LRRC7: variants seen among roughly 807,000 people sequenced by gnomAD.
The protein encoded by LRRC7 is leucine-rich repeat-containing protein 7.
Under a neutral mutation model 175.7 loss-of-function variants are expected in LRRC7, and 23 were observed. The ratio of observed to expected loss-of-function variants is 0.13; its 90% CI spans 0.09 to 0.19. The LOEUF is 0.19. LRRC7 is among the 10% of genes least tolerant of loss of function. The pLI, the probability that LRRC7 is intolerant of heterozygous loss-of-function variation, is 1.00. For missense variants in LRRC7, 1,354 were observed against 1,904.7 expected (o/e 0.71, Z 5.38); for synonymous variants, 685 against 680.9 (o/e 1.01, Z -0.09).
rs1645697412 is a variant in LRRC7 at position 69,887,928 on chromosome 1, T to C, written c.648-43579T>C. Among the ~76,000 whole-genome samples, 6 of 146,354 alleles carry C rather than the reference T, an allele frequency of 4.1e-5. No homozygotes were observed. The South Asian group carries it at 1.3e-3, about 32-fold the overall frequency. On this transcript the variant is annotated intron_variant, in intron 7 of 26. Transcript: ENST00000651989. ...GGGGGGTGCCTCTCAGTTAGGCTGC[T>C]CAGGGGTCAGGGGTCAGGGACCCAC...
At chr1:69,821,594 T>G in intron 4 of LRRC7, among the ~76,000 whole-genome samples, 1 of 152,134 alleles carries the variant, frequency 6.6e-6, no homozygotes, top group East Asian at 1.9e-4. Flanking sequence ...TTTCTTTCAG[T>G]TTGGTTACTA....
chr1:69,916,851 T>C (rs1299668452), intron 7 of LRRC7, among the ~76,000 whole-genome samples: 1 of 151,988 alleles, frequency 6.6e-6, no homozygotes, highest in African/African-American at 2.4e-5. Flanking sequence ...ACTAAGATAT[T>C]TTCAGTGGTG....
At chr1:70,060,110 G>T (rs1661462078) in intron 23 of LRRC7, among the ~76,000 whole-genome samples, 1 of 152,092 alleles carries the variant, frequency 6.6e-6, no homozygotes, top group Non-Finnish European at 1.5e-5. Context: ...TTGAGGCCAG[G>T]AGTTTGAGAC....
intron 7 of LRRC7, among the ~76,000 whole-genome samples, chr1:69,856,793 T>G (rs1051342600): frequency 3.0e-4 from 46 of 152,202 alleles, no homozygotes; most frequent in African/African-American, 1.1e-3. Flanking sequence ...TACCAAAGCC[T>G]GGCAGAGACA....
Position 69,582,510 on chromosome 1 carries a change from A to G in LRRC7, c.2+13869A>G, listed in dbSNP as rs150197642. Reference sequence around the variant, plus strand: ...GTTCAATGAAAGCTTCTGCTCACACATAGCATATTTTAGGTCCATTTGCAG... The same window carrying G: ...GTTCAATGAAAGCTTCTGCTCACACGTAGCATATTTTAGGTCCATTTGCAG... On this transcript the variant is annotated intron_variant, in intron 1 of 26. Transcript: ENST00000651989. Among the ~76,000 whole-genome samples the G allele has an allele frequency of 2.6e-5, 4 of 152,312 alleles. No homozygotes were observed. In the East Asian group the frequency reaches 7.7e-4, roughly 29 times the overall value.
Position 70,130,172 on chromosome 1 carries a change from T to G in LRRC7, c.*8285T>G, listed in dbSNP as rs148064500. The stretch of plus-strand genomic sequence containing the variant: ...GAGATCATAGCTATTTGGTGTTTGT[T>G]TTTCCTATGAACTTTAAGCTTTTTG... On this transcript the variant is annotated 3_prime_UTR_variant, in exon 27 of 27. Coordinates refer to ENST00000651989, the MANE Select transcript of LRRC7 (RefSeq NM_001370785.2). 1.3e-5 allele frequency: 2 copies of G among 152,316 alleles called. No individual in the cohort carries two copies. Among genetic ancestry groups the G allele is most frequent in the East Asian group, 3.9e-4 (2 of 5,192 alleles). The allele number at this position is 152,316 out of a possible 1,614,324, so 9.4% of individuals were successfully genotyped here. A position where few individuals can be genotyped will look rare whatever the true frequency, so the allele number is the denominator to read the frequency against.
intron 26 of LRRC7, among the ~76,000 whole-genome samples, chr1:70,120,911 G>A (rs1293221799): frequency 6.6e-6 from 1 of 152,034 alleles, no homozygotes; most frequent in Non-Finnish European, 1.5e-5. Context: ...AGGCTTATGG[G>A]ATACACTTCT....
intron 7 of LRRC7, among the ~76,000 whole-genome samples, chr1:69,911,863 A>G (rs1557879839): frequency 6.6e-6 from 1 of 152,174 alleles, no homozygotes; most frequent in African/African-American, 2.4e-5. Flanking sequence ...GGTATCAACA[A>G]TCTAAGGCCA....
chr1:69,916,208 A>AT (rs1646706828), intron 7 of LRRC7, among the ~76,000 whole-genome samples: 1 of 6,156 alleles, frequency 1.6e-4, no homozygotes, highest in Non-Finnish European at 4.6e-4. Flanking sequence ...ATATAAAAAT[A>AT]AAATTTTATT....
At chr1:69,702,374 C>T (rs1663468338) in intron 2 of LRRC7, among the ~76,000 whole-genome samples, 1 of 152,172 alleles carries the variant, frequency 6.6e-6, no homozygotes, top group African/African-American at 2.4e-5. Context: ...CTTTTGTGAT[C>T]AGCAACATTT....
chr1:69,787,776 C>A (rs917627299), intron 3 of LRRC7, among the ~76,000 whole-genome samples: 1 of 152,162 alleles, frequency 6.6e-6, no homozygotes, highest in Non-Finnish European at 1.5e-5. Flanking sequence ...ATGCAAATTT[C>A]TGCAGCCAAC....
At chr1:69,959,757 C>G (rs1043241737) in intron 8 of LRRC7, among the ~76,000 whole-genome samples, 3 of 151,962 alleles carry the variant, frequency 2.0e-5, no homozygotes, top group Non-Finnish European at 4.4e-5. Flanking sequence ...GGATACCTAA[C>G]CCAATCAGGG....
chr1:69,945,409 T>C (rs1202410656), intron 8 of LRRC7, among the ~76,000 whole-genome samples: 1 of 152,120 alleles, frequency 6.6e-6, no homozygotes, highest in Admixed American at 6.6e-5. Context: ...ACCATAACTT[T>C]TTAGTAGATT....
chr1:69,698,408 T>C (rs907190514), intron 2 of LRRC7, among the ~76,000 whole-genome samples: 1 of 152,234 alleles, frequency 6.6e-6, no homozygotes, highest in Non-Finnish European at 1.5e-5. Flanking sequence ...TGCCAAAACA[T>C]GTAATCCAGA....
chr1:69,780,521 G>A (rs1673363913), intron 3 of LRRC7, among the ~76,000 whole-genome samples: 1 of 152,114 alleles, frequency 6.6e-6, no homozygotes, highest in Non-Finnish European at 1.5e-5. Context: ...GAGATAAAGG[G>A]AGGGAGAAAA....
At chr1:69,611,845 A>T (rs1426936210) in intron 1 of LRRC7, among the ~76,000 whole-genome samples, 3 of 152,098 alleles carry the variant, frequency 2.0e-5, no homozygotes, top group African/African-American at 7.2e-5. Context: ...TGACACAACA[A>T]AGCAAAGCAT....
intron 2 of LRRC7, among the ~76,000 whole-genome samples, chr1:69,708,882 G>C (rs1664393382): frequency 6.6e-6 from 1 of 152,096 alleles, no homozygotes; most frequent in Non-Finnish European, 1.5e-5. Context: ...ATTGAGAACC[G>C]GTCCACCATT....
chr1:69,744,897 G>A (rs1196947501), intron 2 of LRRC7, among the ~76,000 whole-genome samples: 1 of 151,792 alleles, frequency 6.6e-6, no homozygotes, highest in Admixed American at 6.6e-5. Flanking sequence ...GTAAAATGCT[G>A]TAAATTCCAT....
intron 2 of LRRC7, among the ~76,000 whole-genome samples, chr1:69,715,072 T>C (rs1476933031): frequency 6.6e-6 from 1 of 151,982 alleles, no homozygotes; most frequent in East Asian, 1.9e-4. Context: ...AAGATTTTAG[T>C]ATCTAAGTCA....
Sources: gnomAD v4.1 joint callset for allele counts (sites outside exome capture counted in the v4.1 genomes callset) on GRCh38, gnomAD v4.1.1 for gene constraint, MANE v1.5 for transcripts, NCBI Gene and HGNC (gene_info 2026-07-23, HGNC 2026-07-21) for gene names.